The following FBXO34 variants were observed in gnomAD, a reference collection of about 807,000 sequenced individuals.
FBXO34 encodes the protein F-box protein 34.
FBXO34 carries 12 observed loss-of-function variants against 24.5 expected under a neutral mutation model. The ratio of observed to expected loss-of-function variants is 0.49; its 90% CI spans 0.31 to 0.79. The LOEUF (loss-of-function observed/expected upper bound fraction) is 0.79, where lower values mean the gene tolerates loss of function less well. Among genes scored for constraint, FBXO34 ranks in the 30% least tolerant of loss-of-function variants. The pLI is 0.04. For synonymous variants in FBXO34, 320 were observed against 311.9 expected (o/e 1.03, Z -0.27); for missense variants, 823 against 857.7 (o/e 0.96, Z 0.51).
the FBXO34 span, among the ~76,000 whole-genome samples, chr14:55,385,397 A>G: frequency 1.3e-5 from 2 of 152,158 alleles, no homozygotes; most frequent in African/African-American, 4.8e-5. Flanking sequence ...GGTTCAAGCA[A>G]TTCTCCTGCC....
intron 1 of FBXO34, among the ~76,000 whole-genome samples, chr14:55,313,488 C>T (rs78457100): frequency 0.02 from 2,968 of 152,198 alleles, 97 homozygotes; most frequent in African/African-American, 0.068. Context: ...TTTTATAGCG[C>T]GGTGCCCCAC....
At chr14:55,283,905 T>G (rs1881649300) in intron 1 of FBXO34, among the ~76,000 whole-genome samples, 1 of 152,084 alleles carries the variant, frequency 6.6e-6, no homozygotes, top group African/African-American at 2.4e-5. Context: ...AGGTTATAAC[T>G]TTTCCTAAAA....
At chr14:55,369,436 TCA>T (rs1405012906), downstream of FBXO34, 3 of 510,614 alleles carry the variant, frequency 5.9e-6, no homozygotes, top group Non-Finnish European at 9.7e-6. Context: ...AGCATGTTGG[TCA>T]CCATCACAGG....
chr14:55,280,320 C>T (rs1033680851), intron 1 of FBXO34, among the ~76,000 whole-genome samples: 1 of 152,074 alleles, frequency 6.6e-6, no homozygotes, highest in African/African-American at 2.4e-5. Context: ...ATCCAACCAA[C>T]CTCAGATGGA....
At chr14:55,407,739 T>C in the FBXO34 span, among the ~76,000 whole-genome samples, 1 of 152,112 alleles carries the variant, frequency 6.6e-6, no homozygotes, top group African/African-American at 2.4e-5. Flanking sequence ...ATATTACACA[T>C]TGTGTGTGGT....
exon 3 of FBXO34, chr14:55,367,449 G>C (rs1884705534): frequency 6.6e-6 from 1 of 152,184 alleles, no homozygotes; most frequent in Non-Finnish European, 1.5e-5. Context: ...CAGTGTAGAA[G>C]AACCCATAAG....
At chr14:55,282,086 T>C (rs1315329680) in intron 1 of FBXO34, among the ~76,000 whole-genome samples, 2 of 135,326 alleles carry the variant, frequency 1.5e-5, no homozygotes, top group Non-Finnish European at 1.5e-5. Flanking sequence ...AATCTCCGCC[T>C]CCCGGGTTCA....
At chr14:55,329,392 A>G (rs1253730861) in intron 1 of FBXO34, among the ~76,000 whole-genome samples, 1 of 152,174 alleles carries the variant, frequency 6.6e-6, no homozygotes, top group Non-Finnish European at 1.5e-5. Flanking sequence ...GCTTTAGAAC[A>G]GTCAAGGAAA....
chr14:55,358,078 C>G (rs1167003080), downstream of FBXO34, among the ~76,000 whole-genome samples: 5 of 151,984 alleles, frequency 3.3e-5, no homozygotes, highest in Non-Finnish European at 7.4e-5. Context: ...CCTTCCTCAC[C>G]AATCCTCCCC....
intron 1 of FBXO34, chr14:55,339,528 A>T (rs1883920375): frequency 6.6e-6 from 1 of 152,188 alleles, no homozygotes; most frequent in Non-Finnish European, 1.5e-5. Context: ...TTGCAGAATA[A>T]TACACAACAA....
At chr14:55,369,365 C>T (rs754999122), downstream of FBXO34, 12 of 309,318 alleles carry the variant, frequency 3.9e-5, no homozygotes, top group Non-Finnish European at 6.4e-5. Context: ...CACAGGTCCT[C>T]CTTCCACCAG....
At chr14:55,344,212 T>C (rs1267941426) in intron 1 of FBXO34, among the ~76,000 whole-genome samples, 1 of 152,192 alleles carries the variant, frequency 6.6e-6, no homozygotes, top group African/African-American at 2.4e-5. Context: ...AACTTTTGAC[T>C]TCTTGTCCAC....
At chr14:55,371,546 C>G (rs866667945), downstream of FBXO34, among the ~76,000 whole-genome samples, 7 of 151,698 alleles carry the variant, frequency 4.6e-5, no homozygotes, top group Non-Finnish European at 1.0e-4. Context: ...GTGGCTCACA[C>G]CTGTAATCCC....
At chr14:55,414,508 AC>A in the FBXO34 span, 1 of 1,287,866 alleles carries the variant, frequency 7.8e-7, no homozygotes, top group Non-Finnish European at 1.1e-6. Flanking sequence ...ACCAACATTT[AC>A]TTAAACACTA....
At chr14:55,412,359 C>G in the FBXO34 span, among the ~76,000 whole-genome samples, 11 of 152,320 alleles carry the variant, frequency 7.2e-5, no homozygotes, top group Admixed American at 7.2e-4. Flanking sequence ...TAGTACCCAT[C>G]TAATGCCGTG....
In FBXO34 at chr14:55,351,743, A is replaced by G. The variant is rs760876131; in HGVS notation, c.1353A>G (p.Lys451=). 3.1e-6 allele frequency: 5 copies of G among 1,614,226 alleles called. No homozygotes were observed. The highest frequency in any genetic ancestry group is 4.2e-6 in the Non-Finnish European group (5 of 1,180,046). The change falls in exon 2 of 2, where the codon AAA becomes AAG. Residue 451 remains lysine, a synonymous_variant. Coordinates refer to ENST00000313833, the MANE Select transcript of FBXO34 (RefSeq NM_017943.4). ...SLTSRNPDQR[K]ESLCISITVS... ...CTAGCCGAAATCCTGATCAAAGAAAAGAATCTTTGTGCATTAGTATCACTG... is the reference window on the plus strand; with the variant it reads ...CTAGCCGAAATCCTGATCAAAGAAAGGAATCTTTGTGCATTAGTATCACTG...
chr14:55,429,085 T>G, the FBXO34 span: 1 of 1,325,384 alleles, frequency 7.5e-7, no homozygotes, highest in East Asian at 2.4e-5. Context: ...CAATGTATAC[T>G]ATGAAGCTGT....
chr14:55,393,197 C>A, the FBXO34 span, among the ~76,000 whole-genome samples: 4 of 150,394 alleles, frequency 2.7e-5, no homozygotes, highest in Non-Finnish European at 5.9e-5. Flanking sequence ...CTGGCTAACA[C>A]GGTGAAACCC....
At chr14:55,287,406 C>A (rs1019869661) in intron 1 of FBXO34, among the ~76,000 whole-genome samples, 5 of 152,018 alleles carry the variant, frequency 3.3e-5, no homozygotes, top group African/African-American at 7.2e-5. Context: ...CAGTCATTTT[C>A]TTATACTTAT....
Sources: gnomAD v4.1 joint callset for allele counts (sites outside exome capture counted in the v4.1 genomes callset) on GRCh38, gnomAD v4.1.1 for gene constraint, MANE v1.5 for transcripts, NCBI Gene and HGNC (gene_info 2026-07-23, HGNC 2026-07-21) for gene names.